Variants in SGK3 observed in about 807,000 individuals in gnomAD.
The protein encoded by SGK3 is serine/threonine-protein kinase Sgk3.
SGK3 carries 47 observed loss-of-function variants against 68.5 expected under a neutral mutation model. The ratio of observed to expected loss-of-function variants is 0.69; its 90% CI spans 0.54 to 0.87. SGK3 has a LOEUF of 0.87. Ranked by LOEUF, SGK3 falls within the 40% of genes least tolerant of loss-of-function variation. SGK3 has a pLI of 0.00. For synonymous variants in SGK3, 181 were observed against 189.1 expected (o/e 0.96, Z 0.35); for missense variants, 479 against 575.5 (o/e 0.83, Z 1.72).
chr8:66,731,724 C>G (rs1199379284), intron 1 of SGK3, among the ~76,000 whole-genome samples: 1 of 152,086 alleles, frequency 6.6e-6, no homozygotes, highest in Non-Finnish European at 1.5e-5. Context: ...TTAGTAGAGA[C>G]AGGGTTTCAC....
chr8:66,814,664 T>G (rs936747947), intron 5 of SGK3, among the ~76,000 whole-genome samples: 2 of 152,274 alleles, frequency 1.3e-5, no homozygotes, highest in South Asian at 2.1e-4. Flanking sequence ...AGGCCTCCAG[T>G]CTTTCTCAAC....
intron 1 of SGK3, among the ~76,000 whole-genome samples, chr8:66,788,303 T>TCTGTTCAA (rs1187570189): frequency 6.6e-6 from 1 of 152,204 alleles, no homozygotes; most frequent in Non-Finnish European, 1.5e-5. Context: ...CAGACAATAC[T>TCTGTTCAA]CTGTTCACGA....
chr8:66,821,985 A>T (rs1355250972), intron 5 of SGK3, among the ~76,000 whole-genome samples: 25 of 143,420 alleles, frequency 1.7e-4, no homozygotes, highest in Admixed American at 4.9e-4. Flanking sequence ...CTCTTTCCCT[A>T]TTTTTTTTTT....
At chr8:66,854,105 C>T (rs1418266151) in intron 16 of SGK3, among the ~76,000 whole-genome samples, 1 of 152,158 alleles carries the variant, frequency 6.6e-6, no homozygotes, top group African/African-American at 2.4e-5. Context: ...CTTTAATCCT[C>T]AGAAAAACTT....
At chr8:66,740,779 C>T (rs967145870) in intron 1 of SGK3, among the ~76,000 whole-genome samples, 1 of 151,912 alleles carries the variant, frequency 6.6e-6, no homozygotes, top group African/African-American at 2.4e-5. Context: ...TGGTGGTGCA[C>T]GCCCGTAGTC....
chr8:66,822,726 C>T (rs1425616935), intron 6 of SGK3, among the ~76,000 whole-genome samples: 1 of 152,208 alleles, frequency 6.6e-6, no homozygotes, highest in Non-Finnish European at 1.5e-5. Context: ...TCAAGCGATT[C>T]TCCTGCCTCA....
intron 1 of SGK3, among the ~76,000 whole-genome samples, chr8:66,792,564 C>A (rs1328730614): frequency 6.6e-6 from 1 of 151,902 alleles, no homozygotes; most frequent in Non-Finnish European, 1.5e-5. Context: ...GGCAATTATC[C>A]AAGCAAACTG....
intron 15 of SGK3, among the ~76,000 whole-genome samples, chr8:66,849,013 T>C (rs1484291516): frequency 1.3e-5 from 2 of 152,208 alleles, no homozygotes; most frequent in South Asian, 2.1e-4. Context: ...AGGCTTTTCT[T>C]TCTGTATTTC....
chr8:66,766,560 T>C (rs1806325842), intron 1 of SGK3, among the ~76,000 whole-genome samples: 1 of 152,116 alleles, frequency 6.6e-6, no homozygotes, highest in Non-Finnish European at 1.5e-5. Context: ...AATCTCAAGA[T>C]GGTTAATAGT....
At chr8:66,761,614 C>T (rs1384289595) in intron 1 of SGK3, among the ~76,000 whole-genome samples, 2 of 152,146 alleles carry the variant, frequency 1.3e-5, no homozygotes, top group East Asian at 3.9e-4. Flanking sequence ...ACTAAAAATA[C>T]ACAAGTTAGC....
rs1482408175 is a variant in SGK3, at chr8:66,798,465, G to T, written c.97-77G>T. The T allele has an allele frequency of 6.0e-6, 8 of 1,327,202 alleles. No individual in the cohort carries two copies. The East Asian group carries it at 9.7e-5, about 16-fold the overall frequency. The allele number at this position is 1,327,202 out of a possible 1,614,324, so 82.2% of individuals were successfully genotyped here. A position where few individuals can be genotyped will look rare whatever the true frequency, so the allele number is the denominator to read the frequency against. ...TCAAAAAAAAAAAAAAATTAAAACAGGTTTCATGTATTTAAGTAGCTAATG... is the reference window on the plus strand; with the variant it reads ...TCAAAAAAAAAAAAAAATTAAAACATGTTTCATGTATTTAAGTAGCTAATG... On this transcript the variant is annotated intron_variant, in intron 2 of 16. Coordinates refer to ENST00000521198, the MANE Select transcript of SGK3 (RefSeq NM_001033578.3).
chr8:66,750,405 A>G (rs938723917), intron 1 of SGK3, among the ~76,000 whole-genome samples: 2 of 152,080 alleles, frequency 1.3e-5, no homozygotes, highest in East Asian at 3.8e-4. Context: ...CTATTTGTCT[A>G]GGTGCTAGAG....
chr8:66,782,584 G>C (rs778586273), intron 1 of SGK3, among the ~76,000 whole-genome samples: 2 of 152,192 alleles, frequency 1.3e-5, no homozygotes, highest in Non-Finnish European at 2.9e-5. Flanking sequence ...CATCATTATA[G>C]TGTCACAGAG....
chr8:66,793,806 C>T lies in SGK3; in HGVS notation c.70C>T (p.His24Tyr). 1 of 1,613,038 alleles carries T rather than the reference C, an allele frequency of 6.2e-7. No homozygotes were observed. Among genetic ancestry groups the T allele is most frequent in the Non-Finnish European group, 8.5e-7 (1 of 1,179,384 alleles). Reference sequence around the variant, plus strand: ...TGTAAGCATTCCCAGCTCCGATGAACACAGAGAGAAAAAGAAGAGGTTTAC... The same window carrying T: ...TGTAAGCATTCCCAGCTCCGATGAATACAGAGAGAAAAAGAAGAGGTTTAC... ...PSVSIPSSDE[H>Y]REKKKRFTVY... The change falls in exon 2 of 17, where the codon CAC (histidine) becomes TAC (tyrosine). Residue 24 changes from histidine (H) to tyrosine (Y), a missense_variant. Transcript: ENST00000521198.
At chr8:66,745,918 C>T (rs1479664759) in intron 1 of SGK3, among the ~76,000 whole-genome samples, 1 of 152,110 alleles carries the variant, frequency 6.6e-6, no homozygotes, top group Non-Finnish European at 1.5e-5. Context: ...TAGTCCTAAA[C>T]ACCTCCCAAA....
At chr8:66,809,293 C>T (rs1483274481) in intron 4 of SGK3, among the ~76,000 whole-genome samples, 1 of 152,168 alleles carries the variant, frequency 6.6e-6, no homozygotes, top group Non-Finnish European at 1.5e-5. Context: ...ATTTCCCTCT[C>T]AAAGGAACCA....
At chr8:66,744,519 A>ATATTT (rs1563605717) in intron 1 of SGK3, among the ~76,000 whole-genome samples, 1 of 21,266 alleles carries the variant, frequency 4.7e-5, no homozygotes, top group Admixed American at 6.5e-4. Flanking sequence ...ATATATATAT[A>ATATTT]TTTTTTTTTT....
intron 10 of SGK3, among the ~76,000 whole-genome samples, chr8:66,838,170 A>T (rs1261059648): frequency 6.6e-6 from 1 of 152,058 alleles, no homozygotes; most frequent in African/African-American, 2.4e-5. Context: ...GGTTCAAGCG[A>T]TTCTCCTGCC....
intron 1 of SGK3, among the ~76,000 whole-genome samples, chr8:66,752,754 G>C (rs1805855724): frequency 6.6e-6 from 1 of 152,174 alleles, no homozygotes; most frequent in Non-Finnish European, 1.5e-5. Flanking sequence ...TGCTGAGGGA[G>C]ATTAAGCCTG....
Sources: gnomAD v4.1 joint callset for allele counts (sites outside exome capture counted in the v4.1 genomes callset) on GRCh38, gnomAD v4.1.1 for gene constraint, MANE v1.5 for transcripts, NCBI Gene and HGNC (gene_info 2026-07-23, HGNC 2026-07-21) for gene names.